MALRD1: variants seen among roughly 807,000 people sequenced by gnomAD.
The protein encoded by MALRD1 is MAM and LDL-receptor class A domain-containing protein 1.
MALRD1 carries 247 observed loss-of-function variants against 242.1 expected under a neutral mutation model. That is an observed-to-expected ratio of 1.02 (90% CI 0.92 to 1.13). MALRD1 has a LOEUF of 1.13. MALRD1 is among the 50% of genes most tolerant of loss of function. The probability of loss-of-function intolerance (pLI) is 0.00; values close to 1 mark genes in which losing one functional copy is unlikely to be tolerated. For synonymous variants in MALRD1, 995 were observed against 866.6 expected (o/e 1.15, Z -2.60); for missense variants, 2,989 against 2,533.1 (o/e 1.18, Z -3.86).
intron 39 of MALRD1, among the ~76,000 whole-genome samples, chr10:19,731,161 G>A (rs900767954): frequency 6.6e-6 from 1 of 152,180 alleles, no homozygotes. Context: ...AAACAAAAGA[G>A]AGGATAGCAT....
intron 21 of MALRD1, 46 bp downstream of exon 21, chr10:19,283,227 T>G: frequency 7.3e-7 from 1 of 1,365,366 alleles, no homozygotes; most frequent in Non-Finnish European, 9.6e-7. Flanking sequence ...AAATATTTAT[T>G]AAGCATCTCC....
intron 28 of MALRD1, among the ~76,000 whole-genome samples, chr10:19,448,619 C>T (rs941150022): frequency 1.3e-5 from 2 of 151,946 alleles, no homozygotes; most frequent in Non-Finnish European, 2.9e-5. Flanking sequence ...GATTATATGT[C>T]ATTTTATGTC....
At chr10:19,683,275 C>T (rs1454940283) in intron 36 of MALRD1, among the ~76,000 whole-genome samples, 1 of 152,190 alleles carries the variant, frequency 6.6e-6, no homozygotes, top group East Asian at 1.9e-4. Context: ...TTAGATCCAG[C>T]TCCCTGGCAG....
chr10:19,368,865 TTGTGTATGTGTGTGTGTGTGTGTGTTTG>T (rs1462208862), intron 26 of MALRD1, among the ~76,000 whole-genome samples: 1 of 128,354 alleles, frequency 7.8e-6, no homozygotes, highest in Non-Finnish European at 1.6e-5. Flanking sequence ...TTTTGGTGAT[TTGTGTATGTGTGTGTGTGTGTGTGTTTG>T]TGTGTGTGTG....
intron 32 of MALRD1, among the ~76,000 whole-genome samples, chr10:19,538,712 A>G (rs1306415675): frequency 6.6e-6 from 1 of 152,174 alleles, no homozygotes; most frequent in Non-Finnish European, 1.5e-5. Context: ...TAAAGAAATA[A>G]AAGGAAAATG....
intron 32 of MALRD1, among the ~76,000 whole-genome samples, chr10:19,561,682 C>T (rs1835969855): frequency 6.6e-6 from 1 of 151,104 alleles, no homozygotes; most frequent in Admixed American, 6.6e-5. Context: ...AGACTGTGCC[C>T]TGAGTTGTGT....
At chr10:19,587,637 A>G (rs563350627) in intron 33 of MALRD1, among the ~76,000 whole-genome samples, 2 of 152,366 alleles carry the variant, frequency 1.3e-5, no homozygotes, top group African/African-American at 4.8e-5. Flanking sequence ...CTGTGCAAAC[A>G]TTAAATGAAC....
chr10:19,499,945 A>T (rs1249717472), intron 31 of MALRD1, among the ~76,000 whole-genome samples: 1 of 152,208 alleles, frequency 6.6e-6, no homozygotes, highest in East Asian at 1.9e-4. Context: ...CCAACCTTGC[A>T]TCTTAGGAAT....
chr10:19,732,992 CT>C (rs762101142), intron 39 of MALRD1, among the ~76,000 whole-genome samples: 1 of 152,184 alleles, frequency 6.6e-6, no homozygotes, highest in Non-Finnish European at 1.5e-5. Context: ...CCTGGCACAT[CT>C]CCTGACCTTT....
intron 38 of MALRD1, among the ~76,000 whole-genome samples, chr10:19,695,361 G>A (rs573564518): frequency 3.3e-5 from 5 of 152,180 alleles, no homozygotes; most frequent in South Asian, 2.1e-4. Context: ...CTTTGCTTAC[G>A]CAGTGTATTA....
intron 38 of MALRD1, among the ~76,000 whole-genome samples, chr10:19,695,614 A>C (rs1478814097): frequency 1.1e-4 from 16 of 149,994 alleles, no homozygotes; most frequent in Non-Finnish European, 2.1e-4. Context: ...CCACCACCTG[A>C]GTTCAAATGA....
chr10:19,511,336 A>G (rs535681894), intron 31 of MALRD1, among the ~76,000 whole-genome samples: 1 of 152,224 alleles, frequency 6.6e-6, no homozygotes, highest in African/African-American at 2.4e-5. Context: ...ATTCTCTACA[A>G]ATAAAAATAT....
intron 33 of MALRD1, among the ~76,000 whole-genome samples, chr10:19,572,779 A>C (rs1836626148): frequency 6.6e-6 from 1 of 152,174 alleles, no homozygotes; most frequent in Admixed American, 6.5e-5. Context: ...CCATGTAATG[A>C]AGGGGGCAGA....
At chr10:19,668,835 A>G (rs1017889604) in intron 36 of MALRD1, among the ~76,000 whole-genome samples, 2 of 152,218 alleles carry the variant, frequency 1.3e-5, no homozygotes, top group African/African-American at 2.4e-5. Flanking sequence ...GGGTCAATTC[A>G]GAGGGTTCAA....
At chr10:19,651,746 A>C (rs899258979) in intron 36 of MALRD1, among the ~76,000 whole-genome samples, 4 of 152,222 alleles carry the variant, frequency 2.6e-5, no homozygotes, top group Admixed American at 1.3e-4. Flanking sequence ...ACATGTAAGC[A>C]CTGTAGAAAG....
At position 19,661,709 on chromosome 10, in the gene MALRD1, C is replaced by T. The variant is rs181572155; in HGVS notation, c.6138-30573C>T. Among the ~76,000 whole-genome samples, 306 of 152,178 alleles carry T rather than the reference C, an allele frequency of 2.0e-3. 2 individuals carry two copies. Among genetic ancestry groups the T allele is most frequent in the African/African-American group, 6.0e-3 (251 of 41,528 alleles). Reference sequence around the variant, plus strand: ...AAATGACGAGTTAATGGGTGCAGCACACCAACATGACACCTGTATACATAT... The same window carrying T: ...AAATGACGAGTTAATGGGTGCAGCATACCAACATGACACCTGTATACATAT... On this transcript the variant is annotated intron_variant, in intron 36 of 39. Transcript: ENST00000454679.
intron 5 of MALRD1, among the ~76,000 whole-genome samples, chr10:19,108,174 C>A (rs1326313284): frequency 3.9e-5 from 6 of 152,014 alleles, no homozygotes; most frequent in Non-Finnish European, 7.4e-5. Context: ...ATAGGCTTTG[C>A]TTGCTGTTTT....
At chr10:19,571,913 C>T (rs904262011) in intron 33 of MALRD1, among the ~76,000 whole-genome samples, 26 of 152,242 alleles carry the variant, frequency 1.7e-4, no homozygotes, top group Middle Eastern at 3.4e-3. Context: ...TGCTCAGGTC[C>T]AGATTAACAT....
At chr10:19,590,221 A>G (rs768791489) in intron 33 of MALRD1, among the ~76,000 whole-genome samples, 7 of 150,600 alleles carry the variant, frequency 4.6e-5, no homozygotes, top group Non-Finnish European at 7.4e-5. Flanking sequence ...GTTGGTTACA[A>G]TGTAGGTTCT....
Sources: gnomAD v4.1 joint callset for allele counts (sites outside exome capture counted in the v4.1 genomes callset) on GRCh38, gnomAD v4.1.1 for gene constraint, MANE v1.5 for transcripts, NCBI Gene and HGNC (gene_info 2026-07-23, HGNC 2026-07-21) for gene names.